The following SORCS2 variants were observed in gnomAD, a reference collection of about 807,000 sequenced individuals.
SORCS2 encodes sortilin related VPS10 domain containing receptor 2, also known as VPS10 domain-containing receptor SorCS2.
A neutral mutation model predicts 141.6 loss-of-function variants in SORCS2; 100 were observed. The observed-to-expected ratio is 0.71, with a 90% CI of 0.60 to 0.83. The LOEUF is 0.83. SORCS2 is among the 40% of genes least tolerant of loss of function. SORCS2 has a pLI of 0.00. For missense variants in SORCS2, 1,646 were observed against 1,560.2 expected, an observed-to-expected ratio of 1.05 and a Z score of -0.93; for synonymous variants, 789 against 676.9, an observed-to-expected ratio of 1.17 and a Z score of -2.57.
chr4:7,426,579 CAG>C (rs1560274756), intron 2 of SORCS2, among the ~76,000 whole-genome samples: 2 of 152,194 alleles, frequency 1.3e-5, no homozygotes, highest in African/African-American at 4.8e-5. Flanking sequence ...GTAGGAAGCT[CAG>C]GGAGGGTTGG....
intron 1 of SORCS2, among the ~76,000 whole-genome samples, chr4:7,237,583 A>G (rs1712374450): frequency 6.6e-6 from 1 of 152,168 alleles, no homozygotes; most frequent in African/African-American, 2.4e-5. Context: ...AGGACCTATT[A>G]TGGACCAGGT....
chr4:7,457,173 G>A (rs559357380), intron 2 of SORCS2, among the ~76,000 whole-genome samples: 2 of 152,250 alleles, frequency 1.3e-5, no homozygotes, highest in East Asian at 1.9e-4. Flanking sequence ...CAGATTCCCC[G>A]CCACCAGTTA....
At chr4:7,408,362 T>A (rs966723485) in intron 2 of SORCS2, among the ~76,000 whole-genome samples, 5 of 151,400 alleles carry the variant, frequency 3.3e-5, no homozygotes, top group Non-Finnish European at 5.9e-5. Context: ...ATAACTTTGC[T>A]GGCTATAGTA....
At chr4:7,328,949 G>A (rs16840053) in intron 1 of SORCS2, among the ~76,000 whole-genome samples, 34,226 of 152,166 alleles carry the variant, frequency 0.22, 5,048 homozygotes, top group African/African-American at 0.42. Flanking sequence ...AGCACCCTCC[G>A]CAGACCGCTC....
chr4:7,248,725 T>C (rs1434807950), intron 1 of SORCS2, among the ~76,000 whole-genome samples: 2 of 152,242 alleles, frequency 1.3e-5, no homozygotes, highest in Non-Finnish European at 2.9e-5. Context: ...ATTATAATAT[T>C]TGAAGCCCAA....
At chr4:7,224,574 C>A (rs918667699) in intron 1 of SORCS2, among the ~76,000 whole-genome samples, 5 of 152,218 alleles carry the variant, frequency 3.3e-5, no homozygotes, top group African/African-American at 1.2e-4. Context: ...TTTTAAATAA[C>A]CAGATCTTAT....
intron 3 of SORCS2, among the ~76,000 whole-genome samples, chr4:7,599,827 T>C (rs1717537510): frequency 6.6e-6 from 1 of 150,960 alleles, no homozygotes; most frequent in Admixed American, 6.6e-5. Context: ...TTTTTTCTTT[T>C]TTTTTTTTTT....
intron 3 of SORCS2, among the ~76,000 whole-genome samples, chr4:7,589,106 C>T (rs1352581823): frequency 6.6e-6 from 1 of 152,156 alleles, no homozygotes; most frequent in African/African-American, 2.4e-5. Context: ...AGGGGTTCAG[C>T]AGGCTCGGAG....
rs187681307 is a variant in SORCS2, at chr4:7,634,854, C to T, written c.649-3474C>T. On this transcript the variant is annotated intron_variant, in intron 3 of 26. Coordinates refer to ENST00000507866, the MANE Select transcript of SORCS2 (RefSeq NM_020777.3). ...GTACCTCACTCACCCCTGCAGCCTT[C>T]CTCCCAAGAACCCACAACCCCATCC... Among the ~76,000 whole-genome samples, 7 of 152,352 alleles carry T rather than the reference C, an allele frequency of 4.6e-5. No individual in the cohort carries two copies. The East Asian group carries it at 1.3e-3, about 29-fold the overall frequency.
At chr4:7,581,399 A>G (rs1716131921) in intron 3 of SORCS2, among the ~76,000 whole-genome samples, 1 of 152,182 alleles carries the variant, frequency 6.6e-6, no homozygotes, top group Non-Finnish European at 1.5e-5. Flanking sequence ...GCTTCTATTC[A>G]TCTTATTGCA....
At chr4:7,219,194 A>G (rs12646845) in intron 1 of SORCS2, among the ~76,000 whole-genome samples, 40,895 of 151,300 alleles carry the variant, frequency 0.27, 6,087 homozygotes, top group East Asian at 0.44. Context: ...GTGTCTGTTC[A>G]TGTCTATGAG....
At position 7,684,857 on chromosome 4, in the gene SORCS2, C is replaced by T. The variant is rs976030673; in HGVS notation, c.1488+1968C>T. 1.2e-4 allele frequency among the ~76,000 whole-genome samples: 18 copies of T among 152,208 alleles called. No homozygotes were observed. In the East Asian group the frequency reaches 2.9e-3, roughly 25 times the overall value. ...AGCCCCAGTGTTGGCCCATGGAGGC[C>T]GTGGTACTAAGAGGGGAGGAATTCC... On this transcript the variant is annotated intron_variant, in intron 10 of 26. Coordinates refer to ENST00000507866, the MANE Select transcript of SORCS2 (RefSeq NM_020777.3).
chr4:7,433,778 T>G lies in SORCS2; in HGVS notation c.548+37423T>G, dbSNP rs1388242334. The G allele has an allele frequency of 1.9e-6, 3 of 1,613,444 alleles. No homozygotes were observed. In the South Asian group the frequency reaches 3.3e-5, roughly 18 times the overall value. On this transcript the variant is annotated intron_variant, in intron 2 of 26. Coordinates refer to ENST00000507866, the MANE Select transcript of SORCS2 (RefSeq NM_020777.3). The stretch of plus-strand genomic sequence containing the variant: ...TGGACTGCCCGGGCCCGCCTCCGGT[T>G]GCCACACAGACGGATGAACTTGCAC...
chr4:7,591,226 G>A lies in SORCS2; in HGVS notation c.649-47102G>A, dbSNP rs186793611. Among the ~76,000 whole-genome samples, 5 of 152,104 alleles carry A rather than the reference G, an allele frequency of 3.3e-5. No individual in the cohort carries two copies. In the East Asian group the frequency reaches 9.7e-4, roughly 29 times the overall value. On this transcript the variant is annotated intron_variant, in intron 3 of 26. Coordinates refer to ENST00000507866, the MANE Select transcript of SORCS2 (RefSeq NM_020777.3). ...CTTCTCTTGTGCTCAGCCTCCTCGCGCTCTCCCCTCCACCTGCTGCTGCCT... is the reference window on the plus strand; with the variant it reads ...CTTCTCTTGTGCTCAGCCTCCTCGCACTCTCCCCTCCACCTGCTGCTGCCT...
At position 7,413,391 on chromosome 4, in the gene SORCS2, C is replaced by CTTTTTT. The variant is rs34379092; in HGVS notation, c.548+17051_548+17056dup. ...ATGATCCTCCGTATTTTCACAGCTGCTTTTTTTTTTTTTTTTTTTTGAGAT... is the reference window on the plus strand; with the variant it reads ...ATGATCCTCCGTATTTTCACAGCTGCTTTTTTTTTTTTTTTTTTTTTTTTTTGAGAT... On this transcript the variant is annotated intron_variant, in intron 2 of 26. Transcript: ENST00000507866. Among the ~76,000 whole-genome samples, 104 of 84,818 alleles carry CTTTTTT rather than the reference C, an allele frequency of 1.2e-3. 6 individuals are homozygous for CTTTTTT. The highest frequency in any genetic ancestry group is 2.7e-3 in the African/African-American group (65 of 24,070). The allele number at this position is 84,818 out of a possible 152,430, so 55.6% of individuals were successfully genotyped here. A position where few individuals can be genotyped will look rare whatever the true frequency, so the allele number is the denominator to read the frequency against.
At chr4:7,292,965 T>G (rs949888469) in intron 1 of SORCS2, among the ~76,000 whole-genome samples, 2 of 152,218 alleles carry the variant, frequency 1.3e-5, no homozygotes, top group African/African-American at 4.8e-5. Context: ...TTACCTCTGC[T>G]GATTTCCTTT....
At chr4:7,712,929 C>T in intron 15 of SORCS2, 76 bp downstream of exon 15, 1 of 1,575,228 alleles carries the variant, frequency 6.3e-7, no homozygotes, top group Non-Finnish European at 8.6e-7. Context: ...CTGCCAAAGT[C>T]CTCCCCTGCA....
intron 1 of SORCS2, among the ~76,000 whole-genome samples, chr4:7,218,312 G>A (rs914165977): frequency 2.0e-5 from 3 of 152,126 alleles, no homozygotes; most frequent in Admixed American, 1.3e-4. Flanking sequence ...TCTTCTCCTC[G>A]ATCACTTCAA....
At chr4:7,694,400 G>A (rs1265471546) in intron 11 of SORCS2, among the ~76,000 whole-genome samples, 3 of 152,188 alleles carry the variant, frequency 2.0e-5, no homozygotes, top group East Asian at 3.9e-4. Context: ...CCTGCAACGT[G>A]TTCCGTGAAT....
Sources: gnomAD v4.1 joint callset for allele counts (sites outside exome capture counted in the v4.1 genomes callset) on GRCh38, gnomAD v4.1.1 for gene constraint, MANE v1.5 for transcripts, NCBI Gene and HGNC (gene_info 2026-07-23, HGNC 2026-07-21) for gene names.